Variants in ZNF385D observed in about 807,000 individuals in gnomAD.
ZNF385D encodes zinc finger protein 659.
Under a neutral mutation model 35.8 loss-of-function variants are expected in ZNF385D, and 15 were observed. That is an observed-to-expected ratio of 0.42 (90% CI 0.28 to 0.64). The LOEUF (loss-of-function observed/expected upper bound fraction) is 0.64, where lower values mean the gene tolerates loss of function less well. Ranked by LOEUF, ZNF385D falls within the 30% of genes least tolerant of loss-of-function variation. The pLI, the probability that ZNF385D is intolerant of heterozygous loss-of-function variation, is 0.23. For synonymous variants in ZNF385D, 212 were observed against 186.8 expected, an observed-to-expected ratio of 1.13 and a Z score of -1.10; for missense variants, 474 against 494.6, an observed-to-expected ratio of 0.96 and a Z score of 0.39.
intron 2 of ZNF385D, among the ~76,000 whole-genome samples, chr3:22,196,155 T>C (rs1450891883): frequency 6.6e-6 from 1 of 151,988 alleles, no homozygotes; most frequent in African/African-American, 2.4e-5. Context: ...AAAACTGCAA[T>C]TGTACCCCTG....
chr3:21,623,436 A>G (rs2065059107), intron 2 of ZNF385D, among the ~76,000 whole-genome samples: 2 of 152,006 alleles, frequency 1.3e-5, no homozygotes, highest in Admixed American at 6.6e-5. Flanking sequence ...TGAGCCCTGG[A>G]GTTTGAAACC....
chr3:21,935,679 A>C (rs766050709), intron 3 of ZNF385D, among the ~76,000 whole-genome samples: 5 of 152,124 alleles, frequency 3.3e-5, no homozygotes, highest in Non-Finnish European at 7.4e-5. Context: ...ACATACAATG[A>C]AGACTATATA....
chr3:21,491,763 T>A (rs1372409762), intron 4 of ZNF385D, among the ~76,000 whole-genome samples: 2 of 152,144 alleles, frequency 1.3e-5, no homozygotes, highest in African/African-American at 4.8e-5. Flanking sequence ...AAATACTTAC[T>A]ACATGATCCC....
intron 3 of ZNF385D, among the ~76,000 whole-genome samples, chr3:21,927,930 T>C (rs1383313383): frequency 1.3e-5 from 2 of 152,092 alleles, no homozygotes; most frequent in African/African-American, 2.4e-5. Flanking sequence ...GATAGAATAC[T>C]GAAATCACAT....
At chr3:21,749,851 A>G (rs1250015967) in intron 1 of ZNF385D, among the ~76,000 whole-genome samples, 1 of 152,212 alleles carries the variant, frequency 6.6e-6, no homozygotes, top group Non-Finnish European at 1.5e-5. Context: ...TTTCCAACAA[A>G]CTAATAGTGC....
At chr3:21,636,378 T>TATATATA (rs2065437484) in intron 2 of ZNF385D, among the ~76,000 whole-genome samples, 1 of 47,996 alleles carries the variant, frequency 2.1e-5, no homozygotes, top group African/African-American at 9.0e-5. Context: ...ATATATATGA[T>TATATATA]TATATATATA....
At chr3:21,455,721 A>T (rs1291387185) in intron 4 of ZNF385D, among the ~76,000 whole-genome samples, 55 of 152,196 alleles carry the variant, frequency 3.6e-4, no homozygotes, top group African/African-American at 1.3e-3. Context: ...ATGGCAACAA[A>T]AGCCAAAATT....
chr3:21,489,463 G>C (rs905260634), intron 4 of ZNF385D, among the ~76,000 whole-genome samples: 1 of 152,084 alleles, frequency 6.6e-6, no homozygotes, highest in Admixed American at 6.6e-5. Flanking sequence ...CTCTTCTGAG[G>C]GCTCTAATGC....
At chr3:22,131,693 C>T (rs1703803631) in intron 3 of ZNF385D, among the ~76,000 whole-genome samples, 1 of 152,150 alleles carries the variant, frequency 6.6e-6, no homozygotes, top group Non-Finnish European at 1.5e-5. Flanking sequence ...CATATGACTA[C>T]AGATCCAGGC....
At chr3:21,978,421 T>A (rs1052766238) in intron 3 of ZNF385D, 1 of 152,222 alleles carries the variant, frequency 6.6e-6, no homozygotes, top group African/African-American at 2.4e-5. Flanking sequence ...AATTTATTTA[T>A]TTTTGCTTTA....
intron 3 of ZNF385D, among the ~76,000 whole-genome samples, chr3:21,770,833 C>T (rs901319831): frequency 5.3e-5 from 8 of 152,044 alleles, no homozygotes; most frequent in African/African-American, 1.9e-4. Flanking sequence ...AGACTTGGAA[C>T]CAACCCAAAT....
At chr3:21,854,086 C>A (rs898207541) in intron 3 of ZNF385D, among the ~76,000 whole-genome samples, 2 of 151,808 alleles carry the variant, frequency 1.3e-5, no homozygotes, top group Non-Finnish European at 2.9e-5. Flanking sequence ...AATTAAACTG[C>A]AATAAAATAA....
At chr3:21,760,357 C>A (rs558882725) in intron 3 of ZNF385D, among the ~76,000 whole-genome samples, 50 of 152,280 alleles carry the variant, frequency 3.3e-4, no homozygotes, top group Admixed American at 1.9e-3. Flanking sequence ...TGATGCTTTT[C>A]ATTAGTTTTG....
At chr3:21,750,735 A>T (rs1480638044) in intron 1 of ZNF385D, among the ~76,000 whole-genome samples, 160 bp downstream of exon 1, 1 of 152,074 alleles carries the variant, frequency 6.6e-6, no homozygotes, top group African/African-American at 2.4e-5. Context: ...TGTGGCACAA[A>T]GGAAGCTTTG....
chr3:21,480,877 A>G (rs1559333018), intron 4 of ZNF385D, among the ~76,000 whole-genome samples: 1 of 152,232 alleles, frequency 6.6e-6, no homozygotes, highest in South Asian at 2.1e-4. Flanking sequence ...ACCAAATAAC[A>G]GCATCAGTAA....
chr3:21,751,866 T>C (rs66986383), upstream of ZNF385D, among the ~76,000 whole-genome samples: 10,125 of 152,116 alleles, frequency 0.067, 634 homozygotes, highest in East Asian at 0.33. Flanking sequence ...CCTCCCTTAG[T>C]AGGCAGGTAG....
intron 3 of ZNF385D, among the ~76,000 whole-genome samples, chr3:21,930,436 C>G (rs1700947803): frequency 6.6e-6 from 1 of 152,044 alleles, no homozygotes; most frequent in African/African-American, 2.4e-5. Context: ...GAAATAGATA[C>G]TCTGGACTTC....
chr3:22,153,464 CTT>C (rs769926281), intron 3 of ZNF385D, among the ~76,000 whole-genome samples: 107 of 109,290 alleles, frequency 9.8e-4, no homozygotes, highest in Admixed American at 1.3e-3. Flanking sequence ...TGAAATTCTT[CTT>C]TTTTTTTTTT....
intron 2 of ZNF385D, among the ~76,000 whole-genome samples, chr3:22,289,576 GAAAT>G (rs1702193296): frequency 6.6e-6 from 1 of 152,130 alleles, no homozygotes; most frequent in Admixed American, 6.6e-5. Context: ...AAAAAACTGG[GAAAT>G]GTGCATTTCA....
Sources: allele counts gnomAD v4.1 joint callset (sites outside exome capture counted in the v4.1 genomes callset), GRCh38; gene constraint gnomAD v4.1.1; transcripts MANE v1.5; gene names NCBI Gene and HGNC (gene_info 2026-07-23, HGNC 2026-07-21).